Variants in PTCH1 observed in about 807,000 individuals in gnomAD.
PTCH1 encodes patched 1.
PTCH1 carries 14 observed loss-of-function variants against 144.6 expected under a neutral mutation model. The observed-to-expected ratio is 0.10, with a 90% CI of 0.06 to 0.15. The LOEUF (loss-of-function observed/expected upper bound fraction) is 0.15. Ranked by LOEUF, PTCH1 falls within the 10% of genes least tolerant of loss-of-function variation. The pLI, the probability that PTCH1 is intolerant of heterozygous loss-of-function variation, is 1.00. For synonymous variants in PTCH1, 833 were observed against 793.6 expected, an observed-to-expected ratio of 1.05 and a Z score of -0.83; for missense variants, 1,623 against 1,948.3, an observed-to-expected ratio of 0.83 and a Z score of 3.14.
At chr9:95,505,311 T>C (rs921191971) in intron 2 of PTCH1, among the ~76,000 whole-genome samples, 1 of 152,194 alleles carries the variant, frequency 6.6e-6, no homozygotes, top group African/African-American at 2.4e-5. Flanking sequence ...GTTTGAATTA[T>C]CTACCTAGTC....
chr9:95,500,483 G>T (rs1423138442), intron 2 of PTCH1, among the ~76,000 whole-genome samples: 3 of 152,158 alleles, frequency 2.0e-5, no homozygotes, highest in Non-Finnish European at 4.4e-5. Flanking sequence ...ACCATGTATG[G>T]GGGTCCAGGG....
intron 2 of PTCH1, chr9:95,494,125 C>T: frequency 5.9e-6 from 5 of 844,408 alleles, no homozygotes; most frequent in South Asian, 1.1e-4. Context: ...GCAGGTAGTG[C>T]GCAGGCGCTC....
Position 95,476,270 on chromosome 9 carries a change from TCA to T in PTCH1, c.1603-113_1603-112del. ...ATAACACAACTGTTATTACAGCTTATCATGCTGGCATTAGGGAAACAGAGCCA... is the reference window on the plus strand; with the variant it reads ...ATAACACAACTGTTATTACAGCTTATTGCTGGCATTAGGGAAACAGAGCCA... On this transcript the variant is annotated intron_variant, in intron 11 of 23. Coordinates refer to ENST00000331920, the MANE Select transcript of PTCH1 (RefSeq NM_000264.5). The surrounding 1 kb of genome is among the most constrained non-coding windows in gnomAD (Gnocchi z 4.6). 5.4e-6 allele frequency: 8 copies of T among 1,481,434 alleles called. No homozygotes were observed. Among genetic ancestry groups the T allele is most frequent in the Non-Finnish European group, 7.3e-6 (8 of 1,095,680 alleles). 91.8% of individuals were successfully genotyped at this position (1,481,434 alleles called of 1,614,324 possible).
rs532467515 is a variant in PTCH1, at chr9:95,481,540, A to C, written c.746+409T>G. Among the ~76,000 whole-genome samples the C allele has an allele frequency of 4.6e-5, 7 of 152,326 alleles. No homozygotes were observed. The South Asian group carries it at 1.5e-3, about 32-fold the overall frequency. ...TAAAGAAAGGTTAGCTTTTTACTTC[A>C]CAGGAAGATCTCAAACTCAAAATAT... On this transcript the variant is annotated intron_variant, in intron 5 of 23. Coordinates refer to ENST00000331920, the MANE Select transcript of PTCH1 (RefSeq NM_000264.5).
rs759405378 is a variant in PTCH1, at chr9:95,458,111, G to C, written c.3070C>G (p.Leu1024Val). The C allele has an allele frequency of 1.2e-6, 2 of 1,614,236 alleles. No individual in the cohort carries two copies. Among genetic ancestry groups the C allele is most frequent in the Non-Finnish European group, 1.7e-6 (2 of 1,180,044 alleles). ...ATGAACAGCAGCAGCCAGTGGCGGA[G>C]GCCGATGTACTGCTCCCAGAAGAGG... Reference protein sequence around the residue: ...PFLFWEQYIGLRHWLLLFISV... With the variant: ...PFLFWEQYIGVRHWLLLFISV... Residue 1024 changes from leucine (L) to valine (V), a missense_variant, in exon 18 of 24, where the codon CTC becomes GTC. Coordinates refer to ENST00000331920, the MANE Select transcript of PTCH1 (RefSeq NM_000264.5). The surrounding 1 kb of genome is among the most constrained non-coding windows in gnomAD (Gnocchi z 4.7).
At chr9:95,490,520 GACACACACAC>G (rs35550307) in intron 2 of PTCH1, among the ~76,000 whole-genome samples, 40 of 140,378 alleles carry the variant, frequency 2.8e-4, no homozygotes, top group Admixed American at 6.4e-4. Context: ...CCTTCTATGT[GACACACACAC>G]ACACACACAC....
At chr9:95,470,145 T>A (rs1478287728) in intron 12 of PTCH1, among the ~76,000 whole-genome samples, 1 of 152,222 alleles carries the variant, frequency 6.6e-6, no homozygotes. Flanking sequence ...TTTCTATCTC[T>A]AATAATTCCA....
intron 14 of PTCH1, 63 bp from the exon 15 acceptor site, chr9:95,467,488 A>G (rs1840120814): frequency 1.3e-6 from 2 of 1,535,272 alleles, no homozygotes; most frequent in Middle Eastern, 2.1e-4. Context: ...CTGGACAAAG[A>G]GAAGCTGTCT....
chr9:95,510,885 C>T (rs1223836586), upstream of PTCH1, among the ~76,000 whole-genome samples: 1 of 151,078 alleles, frequency 6.6e-6, no homozygotes, highest in African/African-American at 2.4e-5. Context: ...CTCCCCGCGC[C>T]CGCGCGGCCG....
intron 1 of PTCH1, among the ~76,000 whole-genome samples, chr9:95,514,700 T>A (rs1484790388): frequency 6.6e-6 from 1 of 152,024 alleles, no homozygotes; most frequent in African/African-American, 2.4e-5. Context: ...TAATCCACAT[T>A]GATTAACCTC....
chr9:95,451,472 G>A (rs952999637), intron 20 of PTCH1: 4 of 152,248 alleles, frequency 2.6e-5, no homozygotes, highest in African/African-American at 9.6e-5. Flanking sequence ...TGAGAGGAGA[G>A]CGCTGGGATT....
chr9:95,461,780 C>T (rs989815312), intron 16 of PTCH1, 76 bp downstream of exon 16: 208 of 1,591,088 alleles, frequency 1.3e-4, no homozygotes, highest in Middle Eastern at 4.4e-4. Flanking sequence ...TGGGGTCACA[C>T]GCTGTCAAGC....
chr9:95,482,416 T>G, intron 3 of PTCH1: 1 of 592,662 alleles, frequency 1.7e-6, no homozygotes. Flanking sequence ...GGTGTTTATG[T>G]AAATGAATGC....
At chr9:95,505,455 T>C (rs1272424834) in intron 2 of PTCH1, among the ~76,000 whole-genome samples, 2 of 152,100 alleles carry the variant, frequency 1.3e-5, no homozygotes, top group Non-Finnish European at 2.9e-5. Flanking sequence ...GGGAAAAAAA[T>C]TGAAACCTTT....
At chr9:95,469,190 A>G (rs2118066828) in intron 13 of PTCH1, 37 bp from the exon 14 acceptor site, 1 of 1,612,836 alleles carries the variant, frequency 6.2e-7, no homozygotes, top group East Asian at 2.2e-5. Context: ...TGTTATGCTG[A>G]AACAGGGAAA....
At chr9:95,472,640 C>A (rs1028362282) in intron 12 of PTCH1, among the ~76,000 whole-genome samples, 1 of 152,164 alleles carries the variant, frequency 6.6e-6, no homozygotes, top group Non-Finnish European at 1.5e-5. Flanking sequence ...GGGAGCCCCA[C>A]GGGCACAGGC....
chr9:95,479,220 G>A, intron 7 of PTCH1, 73 bp from the exon 8 acceptor site: 1 of 1,593,950 alleles, frequency 6.3e-7, no homozygotes, highest in South Asian at 1.1e-5. Context: ...CAAATCCCCA[G>A]CCAGCTCCCC....
chr9:95,490,019 G>C (rs181380893), intron 2 of PTCH1, among the ~76,000 whole-genome samples: 1 of 148,460 alleles, frequency 6.7e-6, no homozygotes, highest in African/African-American at 2.5e-5. Flanking sequence ...AGCCAGGATG[G>C]TCTCGATCTC....
chr9:95,507,655 A>C (rs145524052), intron 1 of PTCH1: 1 of 198,894 alleles, frequency 5.0e-6, no homozygotes, highest in East Asian at 1.8e-4. Flanking sequence ...CAAAAAAGGA[A>C]ACCACCTTTA....
Sources: gnomAD v4.1 joint callset for allele counts (sites outside exome capture counted in the v4.1 genomes callset) on GRCh38, gnomAD v4.1.1 for gene constraint, Gnocchi (gnomAD v3.1) non-coding constraint, MANE v1.5 for transcripts, NCBI Gene and HGNC (gene_info 2026-07-23, HGNC 2026-07-21) for gene names.